RANBP2: variants seen among roughly 807,000 people sequenced by gnomAD.
RANBP2 encodes RAN binding protein 2, also known as E3 SUMO-protein ligase RanBP2.
Under a neutral mutation model 303.6 loss-of-function variants are expected in RANBP2, and 57 were observed. The ratio of observed to expected loss-of-function variants is 0.19; its 90% CI spans 0.15 to 0.23. The LOEUF is 0.23. Among genes scored for constraint, RANBP2 ranks in the 10% least tolerant of loss-of-function variants. The pLI, the probability that RANBP2 is intolerant of heterozygous loss-of-function variation, is 1.00. For missense variants in RANBP2, 3,138 were observed against 3,780.8 expected (o/e 0.83, Z 4.46); for synonymous variants, 1,167 against 1,301.5 (o/e 0.90, Z 2.23).
At chr2:109,596,046 T>G in the RANBP2 span, among the ~76,000 whole-genome samples, 1 of 152,180 alleles carries the variant, frequency 6.6e-6, no homozygotes, top group Non-Finnish European at 1.5e-5. Context: ...TTTATTTTAT[T>G]TTAGAGAAAA....
At chr2:109,696,303 A>G in the RANBP2 span, among the ~76,000 whole-genome samples, 1 of 152,204 alleles carries the variant, frequency 6.6e-6, no homozygotes, top group South Asian at 2.1e-4. Flanking sequence ...TTCAGAAATT[A>G]TATAGTTTTA....
At chr2:108,781,244 T>A (rs778805872) in intron 25 of RANBP2, 25 bp from the exon 26 acceptor site, 1 of 1,613,352 alleles carries the variant, frequency 6.2e-7, no homozygotes, top group South Asian at 1.1e-5. Context: ...ATACTAGTGT[T>A]TAAATATCCT....
At chr2:109,383,153 G>A in the RANBP2 span, among the ~76,000 whole-genome samples, 1 of 152,276 alleles carries the variant, frequency 6.6e-6, no homozygotes, top group Non-Finnish European at 1.5e-5. Context: ...TTTCAGGCAT[G>A]GAAGTGAAAG....
At chr2:109,292,014 C>T in the RANBP2 span, among the ~76,000 whole-genome samples, 1 of 152,286 alleles carries the variant, frequency 6.6e-6, no homozygotes, top group African/African-American at 2.4e-5. Flanking sequence ...CAGGCGCACG[C>T]CACCACGCCC....
At chr2:108,884,699 G>A in the RANBP2 span, 3 of 152,100 alleles carry the variant, frequency 2.0e-5, no homozygotes, top group Non-Finnish European at 2.9e-5. Flanking sequence ...TCCCCTTTTC[G>A]AGATTGTGTC....
At chr2:109,159,199 G>C in the RANBP2 span, among the ~76,000 whole-genome samples, 1 of 152,216 alleles carries the variant, frequency 6.6e-6, no homozygotes, top group Non-Finnish European at 1.5e-5. Context: ...TCTGAGCCGT[G>C]GTGCCAGGCT....
the RANBP2 span, chr2:108,873,431 ACTGTTGATTTGTTTTG>A: frequency 6.4e-7 from 1 of 1,565,562 alleles, no homozygotes; most frequent in South Asian, 1.3e-5. Flanking sequence ...ATAGTAAAGC[ACTGTTGATTTGTTTTG>A]CAGAATCCTT....
At chr2:108,896,901 T>C in the RANBP2 span, 1 of 1,609,790 alleles carries the variant, frequency 6.2e-7, no homozygotes, top group Non-Finnish European at 8.5e-7. Context: ...CCCACAGGCA[T>C]GCTTTTCAGG....
At chr2:108,948,459 G>A in the RANBP2 span, among the ~76,000 whole-genome samples, 54 of 152,244 alleles carry the variant, frequency 3.5e-4, 1 homozygote, top group East Asian at 7.1e-3. Flanking sequence ...GTATTAGTCC[G>A]TTCTCACACT....
At chr2:109,508,759 T>A in the RANBP2 span, among the ~76,000 whole-genome samples, 3 of 152,024 alleles carry the variant, frequency 2.0e-5, no homozygotes, top group Admixed American at 6.5e-5. Flanking sequence ...CAGTCACAGA[T>A]GAATGTAAGT....
chr2:108,755,446 A>G (rs1053538481), intron 17 of RANBP2, among the ~76,000 whole-genome samples, 187 bp downstream of exon 17: 17 of 150,752 alleles, frequency 1.1e-4, no homozygotes, highest in African/African-American at 3.9e-4. Context: ...GCTGGAGTAC[A>G]GTGGTATGAT....
At chr2:109,312,863 C>T in the RANBP2 span, among the ~76,000 whole-genome samples, 2 of 152,166 alleles carry the variant, frequency 1.3e-5, no homozygotes, top group East Asian at 1.9e-4. Flanking sequence ...GAACACCTGT[C>T]TTAGATTTTG....
the RANBP2 span, among the ~76,000 whole-genome samples, chr2:109,459,654 G>A: frequency 1.5e-3 from 229 of 152,232 alleles, no homozygotes; most frequent in Middle Eastern, 0.014. Context: ...AGTAGTTCCC[G>A]TTCCTGCCTT....
chr2:109,534,404 A>G, the RANBP2 span, among the ~76,000 whole-genome samples: 1 of 152,182 alleles, frequency 6.6e-6, no homozygotes, highest in Non-Finnish European at 1.5e-5. Flanking sequence ...CAATCTGAAA[A>G]TTACAAAACT....
chr2:109,689,227 C>G, the RANBP2 span, among the ~76,000 whole-genome samples: 1 of 152,088 alleles, frequency 6.6e-6, no homozygotes, highest in Non-Finnish European at 1.5e-5. Context: ...TTTCTAGGAA[C>G]CTGTTACCTC....
the RANBP2 span, among the ~76,000 whole-genome samples, chr2:109,321,385 T>G: frequency 8.7e-3 from 1,324 of 152,362 alleles, 11 homozygotes; most frequent in South Asian, 0.03. Context: ...CTATGTGGAT[T>G]AGGAGCATTT....
chr2:109,110,925 G>T, the RANBP2 span, among the ~76,000 whole-genome samples: 25 of 152,292 alleles, frequency 1.6e-4, no homozygotes, highest in Non-Finnish European at 3.1e-4. Flanking sequence ...CAGAACGGGG[G>T]TGTGAGTTCT....
chr2:109,555,400 G>A, the RANBP2 span, among the ~76,000 whole-genome samples: 2 of 152,076 alleles, frequency 1.3e-5, no homozygotes, highest in Non-Finnish European at 2.9e-5. Flanking sequence ...CCCCCATGCT[G>A]TCCTGCTCAT....
chr2:108,840,615 T>C, the RANBP2 span, among the ~76,000 whole-genome samples: 1 of 152,160 alleles, frequency 6.6e-6, no homozygotes, highest in East Asian at 1.9e-4. Flanking sequence ...GTGTAGAGTT[T>C]TTCATAGTAT....
Sources: allele counts gnomAD v4.1 joint callset (sites outside exome capture counted in the v4.1 genomes callset), GRCh38; gene constraint gnomAD v4.1.1; transcripts MANE v1.5; gene names NCBI Gene and HGNC (gene_info 2026-07-23, HGNC 2026-07-21).